Variants in USP54 observed in about 807,000 individuals in gnomAD.
USP54 encodes the protein ubiquitin carboxyl-terminal hydrolase 54.
Under a neutral mutation model 170.5 loss-of-function variants are expected in USP54, and 87 were observed. That is an observed-to-expected ratio of 0.51 (90% CI 0.43 to 0.61). The LOEUF (loss-of-function observed/expected upper bound fraction) is 0.61. USP54 is among the 20% of genes least tolerant of loss of function. The pLI, the probability that USP54 is intolerant of heterozygous loss-of-function variation, is 0.00. For missense variants in USP54, 1,786 were observed against 2,047.8 expected (o/e 0.87, Z 2.47); for synonymous variants, 655 against 742.8 (o/e 0.88, Z 1.92).
intron 20 of USP54, chr10:73,506,296 T>C (rs1444477141): frequency 1.3e-5 from 2 of 152,260 alleles, no homozygotes; most frequent in African/African-American, 4.8e-5. Context: ...TATGTAATGC[T>C]CTTTTCCCCT....
At chr10:73,531,794 T>C (rs2064026920) in intron 12 of USP54, among the ~76,000 whole-genome samples, 1 of 152,220 alleles carries the variant, frequency 6.6e-6, no homozygotes. Context: ...CTGGGCTCTT[T>C]TATGTAACTT....
At chr10:73,587,467 T>A (rs1301521780) in intron 1 of USP54, among the ~76,000 whole-genome samples, 2 of 150,732 alleles carry the variant, frequency 1.3e-5, no homozygotes, top group African/African-American at 4.9e-5. Context: ...AGAGCGAGAC[T>A]CCATCTCAAA....
chr10:73,511,959 T>C (rs1487957547), intron 20 of USP54, among the ~76,000 whole-genome samples: 1 of 151,928 alleles, frequency 6.6e-6, no homozygotes, highest in Non-Finnish European at 1.5e-5. Context: ...TTGGTCAGGC[T>C]GGTCTCGAAC....
intron 1 of USP54, among the ~76,000 whole-genome samples, chr10:73,598,495 G>T (rs911300699): frequency 6.6e-6 from 1 of 152,144 alleles, no homozygotes; most frequent in Non-Finnish European, 1.5e-5. Flanking sequence ...TAAAACTTTT[G>T]ACCGGGCACA....
At chr10:73,533,662 T>G (rs1341856481) in intron 12 of USP54, among the ~76,000 whole-genome samples, 1 of 152,222 alleles carries the variant, frequency 6.6e-6, no homozygotes, top group Non-Finnish European at 1.5e-5. Context: ...TTAGGCATTC[T>G]ATCTCCCAGA....
chr10:73,551,700 G>C (rs1470082913), intron 4 of USP54, among the ~76,000 whole-genome samples: 1 of 152,196 alleles, frequency 6.6e-6, no homozygotes, highest in East Asian at 1.9e-4. Flanking sequence ...TTACTGGTAA[G>C]AAATTACTGC....
At position 73,530,430 on chromosome 10, in the gene USP54, T is replaced by C; in HGVS notation, c.1541A>G (p.Asn514Ser). ...CAGGGATGGTCTGTTATGGATCATA[T>C]TGCTGACTGTCTCTTTAAAATCTCT... Reference protein sequence around the residue: ...RLRDFKETVSNMIHNRPSLAS... With the variant: ...RLRDFKETVSSMIHNRPSLAS... The change falls in exon 14 of 24, where the codon AAT becomes AGT. Residue 514 changes from asparagine (N) to serine (S), a missense_variant. Around this residue, in one of 3 missense-constraint regions of USP54, gnomAD observed 1,418 missense variants for 1,569.0 expected, o/e 0.90. Transcript: ENST00000687698. 5 of 1,614,224 alleles carry C rather than the reference T, an allele frequency of 3.1e-6. No homozygotes were observed. Among genetic ancestry groups the C allele is most frequent in the Non-Finnish European group, 4.2e-6 (5 of 1,180,036 alleles).
At chr10:73,559,115 A>AAAACT (rs1337353079) in intron 4 of USP54, among the ~76,000 whole-genome samples, 1 of 152,202 alleles carries the variant, frequency 6.6e-6, no homozygotes, top group African/African-American at 2.4e-5. Context: ...TTTGAAAAAC[A>AAAACT]AAACTACAAA....
At chr10:73,587,544 T>C (rs776450778) in intron 1 of USP54, among the ~76,000 whole-genome samples, 1 of 152,138 alleles carries the variant, frequency 6.6e-6, no homozygotes, top group Non-Finnish European at 1.5e-5. Context: ...AACATGCTTT[T>C]AGTGGAGATC....
upstream of USP54, among the ~76,000 whole-genome samples, chr10:73,593,336 C>T (rs1473241271): frequency 6.8e-6 from 1 of 146,160 alleles, no homozygotes; most frequent in Non-Finnish European, 1.5e-5. Context: ...GTGATTGTGT[C>T]GCTGCACTCC....
chr10:73,585,440 G>A (rs752571865), intron 1 of USP54, among the ~76,000 whole-genome samples: 3 of 152,148 alleles, frequency 2.0e-5, no homozygotes, highest in Admixed American at 6.5e-5. Flanking sequence ...ATGACAGACC[G>A]CAAAGGGAAG....
At chr10:73,571,544 C>T (rs1589212511) in intron 3 of USP54, 31 bp from the exon 4 acceptor site, 1 of 1,536,452 alleles carries the variant, frequency 6.5e-7, no homozygotes, top group East Asian at 2.3e-5. Context: ...TTTCATTACT[C>T]TATAAAAAGC....
At chr10:73,543,362 TTTTG>T (rs1284440974) in intron 5 of USP54, among the ~76,000 whole-genome samples, 9 of 151,970 alleles carry the variant, frequency 5.9e-5, no homozygotes, top group Non-Finnish European at 8.8e-5. Flanking sequence ...TCTGTGTTTT[TTTTG>T]TTTGTTTTTT....
intron 2 of USP54, 49 bp downstream of exon 2, chr10:73,575,749 G>A: frequency 7.1e-7 from 1 of 1,407,830 alleles, no homozygotes; most frequent in South Asian, 1.6e-5. Context: ...AAAAGGAAAG[G>A]GAATCCAGAA....
chr10:73,608,033 G>A (rs1392014928), intron 1 of USP54, among the ~76,000 whole-genome samples: 2 of 152,062 alleles, frequency 1.3e-5, no homozygotes, highest in Non-Finnish European at 2.9e-5. Context: ...AGGCCAAGGC[G>A]GGTGGATCAC....
chr10:73,521,123 G>A, intron 17 of USP54, 96 bp from the exon 18 acceptor site: 4 of 1,512,636 alleles, frequency 2.6e-6, no homozygotes, highest in Non-Finnish European at 3.6e-6. Context: ...CCTTGCTGCT[G>A]AGCCACTGGT....
In USP54 at chr10:73,523,676, G is replaced by A. The variant is rs780615315; in HGVS notation, c.2269C>T (p.Leu757Phe). The change falls in exon 17 of 24, where the codon CTT (leucine) becomes TTT (phenylalanine). Residue 757 changes from leucine (L) to phenylalanine (F), a missense_variant. Leu to Phe is a conservative substitution (Grantham distance 22). Transcript: ENST00000687698. ...AACTCCTTCTCCCGTTTTCTTCGAAGTTCCTGTTCCTGCGCCCTCCTGGCC... is the reference window on the plus strand; with the variant it reads ...AACTCCTTCTCCCGTTTTCTTCGAAATTCCTGTTCCTGCGCCCTCCTGGCC... The part of the protein sequence containing the change: ...EVARRAQEQE[L>F]RRKREKELEA... 6 of 1,613,932 alleles carry A rather than the reference G, an allele frequency of 3.7e-6. No individual in the cohort carries two copies. The South Asian group carries it at 6.6e-5, about 18-fold the overall frequency.
chr10:73,550,001 G>A (rs2133596391), intron 4 of USP54, among the ~76,000 whole-genome samples: 1 of 152,116 alleles, frequency 6.6e-6, no homozygotes, highest in East Asian at 1.9e-4. Flanking sequence ...TCGGCTCACT[G>A]TAACCTCCAC....
chr10:73,582,203 G>A (rs1457389144), intron 1 of USP54, among the ~76,000 whole-genome samples: 3 of 152,090 alleles, frequency 2.0e-5, no homozygotes, highest in East Asian at 1.9e-4. Flanking sequence ...GGAGCCTGGC[G>A]CCCTAAGAGA....
Sources: allele counts gnomAD v4.1 joint callset (sites outside exome capture counted in the v4.1 genomes callset), GRCh38; gene constraint gnomAD v4.1.1; regional missense constraint gnomAD v4.1.1; transcripts MANE v1.5; gene names NCBI Gene and HGNC (gene_info 2026-07-23, HGNC 2026-07-21).